Variants in SYNPO2 observed in about 807,000 individuals in gnomAD.
The protein encoded by SYNPO2 is synaptopodin 2.
A neutral mutation model predicts 85.0 loss-of-function variants in SYNPO2; 56 were observed. The ratio of observed to expected loss-of-function variants is 0.66; its 90% confidence interval spans 0.53 to 0.82. SYNPO2 has a LOEUF of 0.82. Among genes scored for constraint, SYNPO2 ranks in the 40% least tolerant of loss-of-function variants. The pLI is 0.00. For synonymous variants in SYNPO2, 602 were observed against 591.1 expected, an observed-to-expected ratio of 1.02 and a Z score of -0.27; for missense variants, 1,575 against 1,534.2, an observed-to-expected ratio of 1.03 and a Z score of -0.44.
At chr4:118,998,788 G>T (rs1736714171) in intron 1 of SYNPO2, among the ~76,000 whole-genome samples, 1 of 152,298 alleles carries the variant, frequency 6.6e-6, no homozygotes, top group Non-Finnish European at 1.5e-5. Context: ...AGTCTGTGAA[G>T]TATTATTCCA....
intron 4 of SYNPO2, among the ~76,000 whole-genome samples, chr4:119,047,940 CT>C (rs1348011360): frequency 4.6e-5 from 7 of 152,222 alleles, no homozygotes; most frequent in Non-Finnish European, 1.0e-4. Context: ...TAATTCCAAT[CT>C]CTTTTATCGT....
chr4:119,007,237 T>TAC (rs1278197432), intron 1 of SYNPO2, among the ~76,000 whole-genome samples: 1 of 52,704 alleles, frequency 1.9e-5, no homozygotes, highest in Non-Finnish European at 3.5e-5. Context: ...TATATATATA[T>TAC]ATATATATGT....
At chr4:118,870,019 T>C (rs1422691242) in intron 1 of SYNPO2, among the ~76,000 whole-genome samples, 1 of 152,208 alleles carries the variant, frequency 6.6e-6, no homozygotes, top group Non-Finnish European at 1.5e-5. Context: ...GGTGTGAGCA[T>C]TGACTTTCCT....
At chr4:118,858,788 A>T (rs993733121) in intron 1 of SYNPO2, among the ~76,000 whole-genome samples, 6 of 152,242 alleles carry the variant, frequency 3.9e-5, no homozygotes, top group Non-Finnish European at 4.4e-5. Context: ...CAAAATGCCT[A>T]CTGCATCTGA....
chr4:119,006,115 A>G (rs1737022406), intron 1 of SYNPO2: 1 of 153,368 alleles, frequency 6.5e-6, no homozygotes, highest in South Asian at 2.1e-4. Flanking sequence ...GCAGTAAACA[A>G]TACAAAACAA....
intron 1 of SYNPO2, among the ~76,000 whole-genome samples, chr4:119,002,452 G>A (rs1039132780): frequency 6.6e-6 from 1 of 152,096 alleles, no homozygotes; most frequent in Non-Finnish European, 1.5e-5. Flanking sequence ...GTAGAGATGG[G>A]GTTTCACCAT....
At chr4:118,924,201 C>T (rs189729130) in intron 1 of SYNPO2, among the ~76,000 whole-genome samples, 127 of 152,282 alleles carry the variant, frequency 8.3e-4, no homozygotes, top group African/African-American at 3.0e-3. Context: ...AAAAAGCAAT[C>T]TCTTATGTTA....
chr4:119,006,104 A>C (rs1737022015), intron 1 of SYNPO2: 1 of 153,404 alleles, frequency 6.5e-6, no homozygotes, highest in Admixed American at 6.5e-5. Flanking sequence ...TGACACCGTC[A>C]GCAGTAAACA....
chr4:118,878,899 C>T (rs951729816), intron 1 of SYNPO2, among the ~76,000 whole-genome samples: 16 of 151,978 alleles, frequency 1.1e-4, no homozygotes, highest in African/African-American at 3.1e-4. Context: ...TTTGTTCTTT[C>T]TCTCTCTGCA....
intron 1 of SYNPO2, among the ~76,000 whole-genome samples, chr4:118,890,733 C>CTCTCTCTCTCTG (rs749295331): frequency 0.025 from 3,132 of 125,830 alleles, 79 homozygotes; most frequent in Non-Finnish European, 0.036. Flanking sequence ...CTCTCTCTCT[C>CTCTCTCTCTCTG]TGTGTGTGTG....
At chr4:118,939,823 G>C (rs938099309) in intron 1 of SYNPO2, among the ~76,000 whole-genome samples, 5 of 152,070 alleles carry the variant, frequency 3.3e-5, no homozygotes, top group Non-Finnish European at 7.4e-5. Flanking sequence ...AGAGTTACCC[G>C]TCATGGTTTA....
intron 1 of SYNPO2, among the ~76,000 whole-genome samples, chr4:118,863,276 C>A (rs1284837511): frequency 6.6e-6 from 1 of 152,164 alleles, no homozygotes; most frequent in Non-Finnish European, 1.5e-5. Flanking sequence ...GCAGTGAAGG[C>A]TTCAGGCCCC....
At chr4:118,942,608 C>G (rs148211895) in intron 1 of SYNPO2, among the ~76,000 whole-genome samples, 1,885 of 152,154 alleles carry the variant, frequency 0.012, 29 homozygotes, top group African/African-American at 0.042. Context: ...ACTTAAAACC[C>G]TATAAAGAGA....
At chr4:119,039,876 T>A (rs1738653687) in intron 4 of SYNPO2, among the ~76,000 whole-genome samples, 1 of 152,140 alleles carries the variant, frequency 6.6e-6, no homozygotes, top group Non-Finnish European at 1.5e-5. Context: ...TACTATTAGA[T>A]GAGATAAGGT....
intron 1 of SYNPO2, among the ~76,000 whole-genome samples, chr4:118,879,867 C>T (rs1732044717): frequency 6.6e-6 from 1 of 151,808 alleles, no homozygotes; most frequent in African/African-American, 2.4e-5. Context: ...TGTCCCGCCT[C>T]CCTCCGAGAC....
intron 4 of SYNPO2, chr4:119,034,824 A>C: frequency 1.0e-6 from 1 of 985,498 alleles, no homozygotes; most frequent in Non-Finnish European, 1.2e-6. Flanking sequence ...GACAGAAGGG[A>C]GAGTTAGACC....
intron 1 of SYNPO2, among the ~76,000 whole-genome samples, chr4:118,983,322 T>C (rs757855046): frequency 5.9e-5 from 9 of 152,132 alleles, no homozygotes; most frequent in Non-Finnish European, 7.3e-5. Context: ...ATCTATTCTC[T>C]CTGCCTCCAT....
intron 4 of SYNPO2, chr4:119,035,972 G>T: frequency 1.0e-6 from 1 of 985,402 alleles, no homozygotes; most frequent in Non-Finnish European, 1.2e-6. Flanking sequence ...CTCTTTCACA[G>T]TAAACCCTCC....
intron 1 of SYNPO2, among the ~76,000 whole-genome samples, chr4:118,979,633 T>C (rs367813745): frequency 1.3e-5 from 2 of 152,340 alleles, no homozygotes; most frequent in Admixed American, 6.5e-5. Context: ...TAAATATTTG[T>C]TCACTGGTTG....
Sources: allele counts gnomAD v4.1 joint callset (sites outside exome capture counted in the v4.1 genomes callset), GRCh38; gene constraint gnomAD v4.1.1; transcripts MANE v1.5; gene names NCBI Gene and HGNC (gene_info 2026-07-23, HGNC 2026-07-21).